The following WDR25 variants were observed in gnomAD, a reference collection of about 807,000 sequenced individuals.
The protein encoded by WDR25 is WD repeat-containing protein 25.
A neutral mutation model predicts 47.7 loss-of-function variants in WDR25; 35 were observed. That is an observed-to-expected ratio of 0.73 (90% CI 0.56 to 0.97). WDR25 has a LOEUF of 0.97. Ranked by LOEUF, WDR25 falls within the 50% of genes least tolerant of loss-of-function variation. WDR25 has a pLI of 0.00. For missense variants in WDR25, 634 were observed against 704.7 expected (o/e 0.90, Z 1.14); for synonymous variants, 248 against 278.9 (o/e 0.89, Z 1.10).
At chr14:100,387,760 G>A (rs68145742) in intron 2 of WDR25, among the ~76,000 whole-genome samples, 27,851 of 152,152 alleles carry the variant, frequency 0.18, 2,706 homozygotes, top group Non-Finnish European at 0.21. Context: ...CACCACTCAC[G>A]CTGCCCTCCT....
chr14:100,480,677 A>G (rs1048068794), intron 3 of WDR25, among the ~76,000 whole-genome samples: 2 of 152,186 alleles, frequency 1.3e-5, no homozygotes, highest in Non-Finnish European at 2.9e-5. Flanking sequence ...TTAACCTGGG[A>G]ACAGTGTTTT....
At chr14:100,412,743 C>T (rs1349177537) in intron 2 of WDR25, among the ~76,000 whole-genome samples, 1 of 152,006 alleles carries the variant, frequency 6.6e-6, no homozygotes, top group African/African-American at 2.4e-5. Context: ...GGGTTGATGC[C>T]ACAGGCAGGC....
At chr14:100,518,123 C>T (rs1449977322) in intron 4 of WDR25, among the ~76,000 whole-genome samples, 1 of 152,198 alleles carries the variant, frequency 6.6e-6, no homozygotes, top group Non-Finnish European at 1.5e-5. Context: ...TATTTCCTGT[C>T]AGCCTGAGGA....
At chr14:100,395,586 G>A (rs1454580405) in intron 2 of WDR25, among the ~76,000 whole-genome samples, 1 of 152,172 alleles carries the variant, frequency 6.6e-6, no homozygotes, top group East Asian at 1.9e-4. Flanking sequence ...TCCCTGCTTG[G>A]GGGCTCCAAA....
chr14:100,466,441 T>C (rs1899631586), intron 2 of WDR25, among the ~76,000 whole-genome samples: 1 of 152,194 alleles, frequency 6.6e-6, no homozygotes, highest in Admixed American at 6.5e-5. Flanking sequence ...TAGAAGTGCA[T>C]GGGTGTACTT....
chr14:100,505,028 G>C (rs1427412188), intron 4 of WDR25, among the ~76,000 whole-genome samples: 4 of 152,104 alleles, frequency 2.6e-5, no homozygotes, highest in Non-Finnish European at 5.9e-5. Context: ...GTCTTGTTTT[G>C]TGAAGGATCT....
At chr14:100,393,347 T>G (rs941548970) in intron 2 of WDR25, among the ~76,000 whole-genome samples, 3 of 152,266 alleles carry the variant, frequency 2.0e-5, no homozygotes, top group Non-Finnish European at 4.4e-5. Flanking sequence ...AAACAGATTT[T>G]CATTGTCACC....
intron 2 of WDR25, among the ~76,000 whole-genome samples, chr14:100,418,296 T>A (rs1186613765): frequency 6.6e-6 from 1 of 150,816 alleles, no homozygotes; most frequent in Non-Finnish European, 1.5e-5. Flanking sequence ...ATACACACAA[T>A]GTCACCTAGC....
intron 3 of WDR25, chr14:100,481,225 G>T: frequency 1.9e-6 from 1 of 530,712 alleles, no homozygotes. Flanking sequence ...TGAAAACTGA[G>T]GAGAGTCCAG....
At chr14:100,484,624 C>T (rs554573384) in intron 4 of WDR25, among the ~76,000 whole-genome samples, 2 of 152,260 alleles carry the variant, frequency 1.3e-5, no homozygotes, top group East Asian at 3.9e-4. Context: ...CCATCCCCAT[C>T]CTTTATTACA....
At chr14:100,377,071 T>C (rs1409002344) in intron 1 of WDR25, among the ~76,000 whole-genome samples, 1 of 152,190 alleles carries the variant, frequency 6.6e-6, no homozygotes, top group Non-Finnish European at 1.5e-5. Context: ...GTTTAATCCC[T>C]CATCTCCTTC....
intron 2 of WDR25, among the ~76,000 whole-genome samples, chr14:100,429,405 A>G (rs981209767): frequency 5.3e-5 from 8 of 152,182 alleles, no homozygotes; most frequent in Non-Finnish European, 1.2e-4. Flanking sequence ...CCTTGGGCCA[A>G]GGGGCTAAGG....
Position 100,380,657 on chromosome 14 carries a change from C to T in WDR25, c.-15-253C>T, listed in dbSNP as rs151312251. Among the ~76,000 whole-genome samples, 54 of 152,062 alleles carry T rather than the reference C, an allele frequency of 3.6e-4. No homozygotes were observed. In the East Asian group the frequency reaches 9.9e-3, roughly 28 times the overall value. ...TACAGGTGCCTGCCACCCTGCCTCG[C>T]TACTTTTTGTATTTTTAGTAGAGAC... On this transcript the variant is annotated intron_variant, in intron 1 of 6. Transcript: ENST00000402312.
At chr14:100,421,486 T>G (rs1898024114) in intron 2 of WDR25, among the ~76,000 whole-genome samples, 1 of 152,204 alleles carries the variant, frequency 6.6e-6, no homozygotes, top group Admixed American at 6.5e-5. Flanking sequence ...AAGCTTAACC[T>G]TGGCTGAGTA....
chr14:100,481,136 A>T, intron 3 of WDR25: 2 of 433,254 alleles, frequency 4.6e-6, no homozygotes, highest in East Asian at 7.2e-5. Flanking sequence ...AAAAAAAGGG[A>T]AAAGGGGAGC....
intron 3 of WDR25, among the ~76,000 whole-genome samples, chr14:100,473,898 C>T (rs183634547): frequency 6.6e-6 from 1 of 152,284 alleles, no homozygotes; most frequent in East Asian, 1.9e-4. Flanking sequence ...ATTAGGTATC[C>T]CTCAGGTGCC....
chr14:100,386,894 G>C (rs1378962992), intron 2 of WDR25, among the ~76,000 whole-genome samples: 2 of 150,620 alleles, frequency 1.3e-5, no homozygotes, highest in African/African-American at 2.4e-5. Context: ...CTCCATCTCA[G>C]AAAAAAAAAG....
At chr14:100,524,610 G>A (rs2030023619) in intron 4 of WDR25, among the ~76,000 whole-genome samples, 1 of 152,266 alleles carries the variant, frequency 6.6e-6, no homozygotes, top group Non-Finnish European at 1.5e-5. Flanking sequence ...CCTGGTTGAG[G>A]GTTGCTTTGG....
intron 2 of WDR25, among the ~76,000 whole-genome samples, chr14:100,451,457 C>T (rs933840809): frequency 4.6e-5 from 7 of 152,136 alleles, no homozygotes; most frequent in Admixed American, 1.3e-4. Flanking sequence ...TGGGCTCAAA[C>T]GATCTGCCCG....
Sources: allele counts gnomAD v4.1 joint callset (sites outside exome capture counted in the v4.1 genomes callset), GRCh38; gene constraint gnomAD v4.1.1; transcripts MANE v1.5; gene names NCBI Gene and HGNC (gene_info 2026-07-23, HGNC 2026-07-21).